The following BDH1 variants were observed in gnomAD, a reference collection of about 807,000 sequenced individuals.
BDH1 encodes the protein 3-hydroxybutyrate dehydrogenase 1.
BDH1 carries 30 observed loss-of-function variants against 33.1 expected under a neutral mutation model. The observed-to-expected ratio is 0.91, with a 90% confidence interval of 0.68 to 1.23. The LOEUF (loss-of-function observed/expected upper bound fraction) is 1.23, where lower values mean the gene tolerates loss of function less well. Among genes scored for constraint, BDH1 ranks in the 50% most tolerant of loss-of-function variants. The probability of loss-of-function intolerance (pLI) is 0.00; values close to 1 mark genes in which losing one functional copy is unlikely to be tolerated. For missense variants in BDH1, 443 were observed against 464.4 expected, an observed-to-expected ratio of 0.95 and a Z score of 0.42; for synonymous variants, 190 against 183.6, an observed-to-expected ratio of 1.03 and a Z score of -0.28.
chr3:197,547,587 C>G (rs137924028), intron 2 of BDH1, among the ~76,000 whole-genome samples: 2 of 152,256 alleles, frequency 1.3e-5, no homozygotes, highest in Non-Finnish European at 2.9e-5. Context: ...CTACAGTAAA[C>G]TCTCGCTTGT....
At chr3:197,564,585 T>C (rs962184023) in intron 1 of BDH1, among the ~76,000 whole-genome samples, 3 of 152,156 alleles carry the variant, frequency 2.0e-5, no homozygotes, top group East Asian at 1.9e-4. Flanking sequence ...CAAAATAAAC[T>C]GCATTCCTGA....
intron 2 of BDH1, among the ~76,000 whole-genome samples, chr3:197,547,199 C>T (rs1716157743): frequency 6.6e-6 from 1 of 152,246 alleles, no homozygotes; most frequent in African/African-American, 2.4e-5. Context: ...GGCTGCTAGG[C>T]ACCACGACTC....
chr3:197,551,586 C>G (rs960553725), intron 2 of BDH1, among the ~76,000 whole-genome samples: 2 of 152,124 alleles, frequency 1.3e-5, no homozygotes, highest in African/African-American at 2.4e-5. Context: ...TGGGTATATA[C>G]CCAGCAGTGG....
Position 197,546,613 on chromosome 3 carries a change from G to T in BDH1, c.-43-127C>A, listed in dbSNP as rs546073259. 5.7e-4 allele frequency: 345 copies of T among 604,958 alleles called. 11 individuals are homozygous for T. In the South Asian group the frequency reaches 6.9e-3, roughly 12 times the overall value. 37.5% of individuals were successfully genotyped at this position (604,958 alleles called of 1,614,324 possible). On this transcript the variant is annotated intron_variant, in intron 2 of 7. Coordinates refer to ENST00000392379, the MANE Select transcript of BDH1 (RefSeq NM_203314.3). ...TCTGTTCCACCCAGCTCCAGTCCTGGTACCACCAGGTAGTCCACTCTGGTT... is the reference window on the plus strand; with the variant it reads ...TCTGTTCCACCCAGCTCCAGTCCTGTTACCACCAGGTAGTCCACTCTGGTT...
intron 6 of BDH1, chr3:197,515,861 C>T: frequency 1.2e-5 from 3 of 242,934 alleles, no homozygotes; most frequent in Non-Finnish European, 2.0e-5. Context: ...CCGGATCATG[C>T]CACGGCACTC....
intron 2 of BDH1, among the ~76,000 whole-genome samples, chr3:197,550,220 C>A (rs888143529): frequency 6.6e-6 from 1 of 152,192 alleles, no homozygotes; most frequent in African/African-American, 2.4e-5. Context: ...CTCACCACCA[C>A]TGTATCATAC....
intron 1 of BDH1, among the ~76,000 whole-genome samples, chr3:197,569,133 A>C (rs1281849935): frequency 6.6e-6 from 1 of 152,210 alleles, no homozygotes; most frequent in African/African-American, 2.4e-5. Context: ...ATCCCACCCA[A>C]GTCTGTCCTA....
chr3:197,512,062 T>G lies in BDH1; in HGVS notation c.865A>C (p.Ser289Arg). 6.2e-7 allele frequency: 1 copy of G among 1,614,218 alleles called. No individual in the cohort carries two copies. The highest frequency in any genetic ancestry group is 1.1e-5 in the South Asian group (1 of 91,084). The change falls in exon 8 of 8, where the codon AGC (serine) becomes CGC (arginine). Residue 289 changes from serine (S) to arginine (R), a missense_variant. Transcript: ENST00000392379. ...EKIAKMETYC[S>R]SGSTDTSPVI... ...GGGGACGTGTCTGTGGAGCCACTGC[T>G]GCAGTAGGTCTCCATCTTGGCGATC...
At chr3:197,524,999 T>C (rs1346557348) in intron 5 of BDH1, among the ~76,000 whole-genome samples, 1 of 152,104 alleles carries the variant, frequency 6.6e-6, no homozygotes, top group East Asian at 1.9e-4. Context: ...GGAGGCTCGA[T>C]GGTCTAAAGT....
At chr3:197,512,614 T>C (rs769677971) in intron 7 of BDH1, among the ~76,000 whole-genome samples, 3 of 152,128 alleles carry the variant, frequency 2.0e-5, no homozygotes, top group Non-Finnish European at 4.4e-5. Flanking sequence ...CACAGTGTAA[T>C]GGGCAACACG....
chr3:197,532,318 G>C (rs1714738109), intron 5 of BDH1, 94 bp downstream of exon 5: 4 of 1,038,908 alleles, frequency 3.9e-6, no homozygotes, highest in African/African-American at 1.6e-5. Context: ...TTTAAGCAAA[G>C]GTGAGCCAGT....
At chr3:197,543,191 A>C (rs1418770426) in intron 3 of BDH1, 3 of 985,166 alleles carry the variant, frequency 3.0e-6, no homozygotes, top group Non-Finnish European at 2.4e-6. Context: ...TAGGAGGAAC[A>C]CATATCAGTG....
intron 2 of BDH1, among the ~76,000 whole-genome samples, chr3:197,552,013 C>T (rs1716615382): frequency 6.6e-6 from 1 of 152,170 alleles, no homozygotes; most frequent in Non-Finnish European, 1.5e-5. Context: ...ATTCACATGC[C>T]GCCAACTCCC....
In BDH1 at chr3:197,522,566, G is replaced by A; in HGVS notation, c.409+74C>T. 6.3e-7 allele frequency: 1 copy of A among 1,583,714 alleles called. No homozygotes were observed. On this transcript the variant is annotated intron_variant, in intron 6 of 7. Transcript: ENST00000392379. The surrounding 1 kb of genome is among the most constrained non-coding windows in gnomAD (Gnocchi z 4.8). Reference sequence around the variant, plus strand: ...GTGTGGTGGCAGGATGCCAGCCAGTGGAAGGTGGTGTTCGGCAAGTGCCCC... The same window carrying A: ...GTGTGGTGGCAGGATGCCAGCCAGTAGAAGGTGGTGTTCGGCAAGTGCCCC...
upstream of BDH1, among the ~76,000 whole-genome samples, chr3:197,558,689 A>T (rs549268171): frequency 7.9e-5 from 12 of 152,264 alleles, no homozygotes; most frequent in South Asian, 2.5e-3. Flanking sequence ...ACCTTATCAG[A>T]CCCCGCATGG....
chr3:197,550,232 T>G (rs536818997), intron 2 of BDH1, among the ~76,000 whole-genome samples: 2 of 152,272 alleles, frequency 1.3e-5, no homozygotes, highest in Middle Eastern at 3.4e-3. Context: ...GTATCATACA[T>G]GCAGAGATGA....
chr3:197,561,231 G>T (rs1182212422), intron 1 of BDH1, among the ~76,000 whole-genome samples: 2 of 152,094 alleles, frequency 1.3e-5, no homozygotes, highest in East Asian at 3.8e-4. Flanking sequence ...TAACCTTACG[G>T]CTCAAACCAA....
intron 3 of BDH1, among the ~76,000 whole-genome samples, chr3:197,544,190 T>C (rs1207957249): frequency 6.6e-6 from 1 of 152,082 alleles, no homozygotes; most frequent in African/African-American, 2.4e-5. Context: ...CCAGCCTCCT[T>C]CTGTACCTGG....
At chr3:197,540,899 C>A (rs997910495) in intron 3 of BDH1, among the ~76,000 whole-genome samples, 1 of 152,172 alleles carries the variant, frequency 6.6e-6, no homozygotes, top group African/African-American at 2.4e-5. Flanking sequence ...TCACCTGCCC[C>A]CCCCACAGCA....
Sources: gnomAD v4.1 joint callset for allele counts (sites outside exome capture counted in the v4.1 genomes callset) on GRCh38, gnomAD v4.1.1 for gene constraint, Gnocchi (gnomAD v3.1) non-coding constraint, MANE v1.5 for transcripts, NCBI Gene and HGNC (gene_info 2026-07-23, HGNC 2026-07-21) for gene names.